DOK6: variants seen among roughly 807,000 people sequenced by gnomAD.
DOK6 encodes the protein downstream of tyrosine kinase 6.
A neutral mutation model predicts 44.0 loss-of-function variants in DOK6; 22 were observed. That is an observed-to-expected ratio of 0.50 (90% CI 0.36 to 0.71). The LOEUF (loss-of-function observed/expected upper bound fraction) is 0.71, where lower values mean the gene tolerates loss of function less well. Among genes scored for constraint, DOK6 ranks in the 30% least tolerant of loss-of-function variants. The pLI, the probability that DOK6 is intolerant of heterozygous loss-of-function variation, is 0.00. For synonymous variants in DOK6, 166 were observed against 145.5 expected (o/e 1.14, Z -1.01); for missense variants, 340 against 416.4 (o/e 0.82, Z 1.60).
At chr18:69,419,762 G>C (rs1271321819) in intron 1 of DOK6, among the ~76,000 whole-genome samples, 1 of 152,106 alleles carries the variant, frequency 6.6e-6, no homozygotes, top group Non-Finnish European at 1.5e-5. Context: ...AGGATACAAT[G>C]ATATGTGAGA....
chr18:69,491,327 C>T (rs1278427474), intron 1 of DOK6, among the ~76,000 whole-genome samples: 2 of 152,064 alleles, frequency 1.3e-5, no homozygotes, highest in Admixed American at 1.3e-4. Context: ...TTTTCCATCT[C>T]GATTGGCTAA....
At chr18:69,513,172 G>A (rs1403860634) in intron 1 of DOK6, among the ~76,000 whole-genome samples, 4 of 152,136 alleles carry the variant, frequency 2.6e-5, no homozygotes, top group Non-Finnish European at 5.9e-5. Flanking sequence ...ACCAATTAAT[G>A]TACTCATTTC....
intron 2 of DOK6, among the ~76,000 whole-genome samples, chr18:69,596,183 G>T (rs1483445579): frequency 5.3e-5 from 8 of 152,146 alleles, no homozygotes; most frequent in Admixed American, 4.6e-4. Flanking sequence ...GTAAAACAAT[G>T]ACCTCAGGAA....
intron 1 of DOK6, among the ~76,000 whole-genome samples, chr18:69,455,286 T>G (rs1426691207): frequency 6.6e-6 from 1 of 152,156 alleles, no homozygotes; most frequent in Non-Finnish European, 1.5e-5. Flanking sequence ...GGTATGCTTC[T>G]AGCAGTAATT....
intron 5 of DOK6, among the ~76,000 whole-genome samples, chr18:69,727,139 A>G (rs1978313267): frequency 6.6e-6 from 1 of 152,146 alleles, no homozygotes; most frequent in African/African-American, 2.4e-5. Flanking sequence ...GTTAACAGGC[A>G]TGAGCCACTG....
intron 5 of DOK6, among the ~76,000 whole-genome samples, chr18:69,706,514 CTTTT>C (rs34689612): frequency 6.8e-6 from 1 of 147,420 alleles, no homozygotes; most frequent in East Asian, 1.9e-4. Flanking sequence ...TCAAGAAACT[CTTTT>C]TTTTTTTAAT....
chr18:69,441,559 G>T (rs905072668), intron 1 of DOK6, among the ~76,000 whole-genome samples: 4 of 152,138 alleles, frequency 2.6e-5, no homozygotes, highest in African/African-American at 9.7e-5. Flanking sequence ...TACCTCCAAT[G>T]ATTCATTCAA....
At chr18:69,455,130 T>C (rs1396511296) in intron 1 of DOK6, among the ~76,000 whole-genome samples, 1 of 141,672 alleles carries the variant, frequency 7.1e-6, no homozygotes, top group Non-Finnish European at 1.5e-5. Flanking sequence ...AATTCGCCTT[T>C]AGGTACTTTT....
intron 1 of DOK6, among the ~76,000 whole-genome samples, chr18:69,525,601 C>G (rs564796032): frequency 1.3e-5 from 2 of 152,100 alleles, no homozygotes; most frequent in South Asian, 4.1e-4. Flanking sequence ...CTACACTTGC[C>G]ATTTCCCTGC....
chr18:69,646,597 C>T (rs1218222336), intron 3 of DOK6, among the ~76,000 whole-genome samples: 1 of 152,106 alleles, frequency 6.6e-6, no homozygotes, highest in African/African-American at 2.4e-5. Flanking sequence ...CCATGGTGCC[C>T]ATTTGGTGGA....
chr18:69,413,847 C>T (rs1978316855), intron 1 of DOK6, among the ~76,000 whole-genome samples: 1 of 151,720 alleles, frequency 6.6e-6, no homozygotes, highest in African/African-American at 2.4e-5. Context: ...GACTATACAT[C>T]TCTGACAAAA....
chr18:69,573,544 T>C (rs975497219), intron 2 of DOK6, among the ~76,000 whole-genome samples: 4 of 151,970 alleles, frequency 2.6e-5, no homozygotes, highest in African/African-American at 9.7e-5. Context: ...TATTTTTTTC[T>C]GTGATGGATG....
At chr18:69,706,593 T>C in intron 5 of DOK6, among the ~76,000 whole-genome samples, 1 of 151,780 alleles carries the variant, frequency 6.6e-6, no homozygotes, top group East Asian at 1.9e-4. Flanking sequence ...GTTACATATG[T>C]ATACATGTGC....
intron 7 of DOK6, among the ~76,000 whole-genome samples, chr18:69,762,318 G>T (rs1388624655): frequency 6.6e-6 from 1 of 152,132 alleles, no homozygotes; most frequent in Admixed American, 6.5e-5. Flanking sequence ...TGTAGCCTGG[G>T]CTAAACAGTA....
At chr18:69,592,170 T>A (rs1983636891) in intron 2 of DOK6, among the ~76,000 whole-genome samples, 1 of 151,786 alleles carries the variant, frequency 6.6e-6, no homozygotes, top group Non-Finnish European at 1.5e-5. Context: ...CTAACAGATA[T>A]AACCCACATG....
rs984865587 is a variant in DOK6, at chr18:69,634,182, T to C, written c.289+34684T>C. ...GAGTTCAGCACCGTGTCTAGTACAATGGTAGTATGGTCTTGAGTAAGCCAG... is the reference window on the plus strand; with the variant it reads ...GAGTTCAGCACCGTGTCTAGTACAACGGTAGTATGGTCTTGAGTAAGCCAG... On this transcript the variant is annotated intron_variant, in intron 3 of 7. Transcript: ENST00000382713. Among the ~76,000 whole-genome samples, 7 of 152,104 alleles carry C rather than the reference T, an allele frequency of 4.6e-5. No individual in the cohort carries two copies. The East Asian group carries it at 9.6e-4, about 21-fold the overall frequency.
Position 69,841,227 on chromosome 18 carries a change from C to T in DOK6, c.857-17C>T, listed in dbSNP as rs1016014086. ...TGAATCTGTTTCTCAGTAGAGCTCT[C>T]CTTTCTTCCTCTCTAGGTCATGGGT... On this transcript the variant is annotated splice_polypyrimidine_tract_variant and intron_variant, in intron 7 of 7. Transcript: ENST00000382713. 2 of 1,614,108 alleles carry T rather than the reference C, an allele frequency of 1.2e-6. No individual in the cohort carries two copies. Among genetic ancestry groups the T allele is most frequent in the Admixed American group, 1.7e-5 (1 of 60,020 alleles).
intron 1 of DOK6, among the ~76,000 whole-genome samples, chr18:69,486,326 C>G (rs1166814107): frequency 6.6e-6 from 1 of 152,018 alleles, no homozygotes; most frequent in Non-Finnish European, 1.5e-5. Context: ...TCTGAAGGTA[C>G]TTTAGAAAAC....
intron 1 of DOK6, among the ~76,000 whole-genome samples, chr18:69,467,247 G>A (rs2122482848): frequency 6.6e-6 from 1 of 152,204 alleles, no homozygotes; most frequent in Admixed American, 6.5e-5. Flanking sequence ...AGGTCATTTG[G>A]CAAATACAGT....
Sources: gnomAD v4.1 joint callset for allele counts (sites outside exome capture counted in the v4.1 genomes callset) on GRCh38, gnomAD v4.1.1 for gene constraint, MANE v1.5 for transcripts, NCBI Gene and HGNC (gene_info 2026-07-23, HGNC 2026-07-21) for gene names.